The following RCAN3 variants were observed in gnomAD, a reference collection of about 807,000 sequenced individuals.
RCAN3 encodes the protein regulator of calcineurin 3.
Under a neutral mutation model 21.9 loss-of-function variants are expected in RCAN3, and 19 were observed. That is an observed-to-expected ratio of 0.87 (90% CI 0.61 to 1.27). RCAN3 has a LOEUF of 1.27. RCAN3 is among the 50% of genes most tolerant of loss of function. RCAN3 has a pLI of 0.00. For missense variants in RCAN3, 240 were observed against 300.1 expected, an observed-to-expected ratio of 0.80 and a Z score of 1.48; for synonymous variants, 114 against 112.3, an observed-to-expected ratio of 1.01 and a Z score of -0.09.
chr1:24,527,017 T>C (rs999695015), intron 2 of RCAN3, among the ~76,000 whole-genome samples: 3 of 152,220 alleles, frequency 2.0e-5, no homozygotes, highest in Non-Finnish European at 2.9e-5. Context: ...TATATCTATA[T>C]AATATTTTGT....
intron 2 of RCAN3, among the ~76,000 whole-genome samples, chr1:24,530,352 T>G (rs1175399592): frequency 1.7e-5 from 1 of 60,000 alleles, no homozygotes; most frequent in Non-Finnish European, 2.8e-5. Context: ...GAGACTCTTA[T>G]CTCCAAAAAA....
chr1:24,519,709 T>C (rs76755065), intron 2 of RCAN3, among the ~76,000 whole-genome samples: 4,167 of 152,304 alleles, frequency 0.027, 85 homozygotes, highest in African/African-American at 0.051. Flanking sequence ...GAGCATCTCA[T>C]TGAGTTCCCA....
At chr1:24,513,502 C>A (rs1420575487) in intron 1 of RCAN3, among the ~76,000 whole-genome samples, 1 of 151,782 alleles carries the variant, frequency 6.6e-6, no homozygotes, top group Admixed American at 6.6e-5. Flanking sequence ...CCCATCTCTA[C>A]CAAAAAAATA....
intron 1 of RCAN3, among the ~76,000 whole-genome samples, chr1:24,513,123 G>C (rs562782910): frequency 6.6e-6 from 1 of 152,248 alleles, no homozygotes; most frequent in South Asian, 2.1e-4. Flanking sequence ...TGTAGTCCCA[G>C]CTACCTGGGA....
At chr1:24,530,356 CAAAAAAAAA>C (rs56914359) in intron 2 of RCAN3, among the ~76,000 whole-genome samples, 1 of 81,516 alleles carries the variant, frequency 1.2e-5, no homozygotes, top group Admixed American at 1.4e-4. Context: ...CTCTTATCTC[CAAAAAAAAA>C]AAAAAAAAAA....
Position 24,536,939 on chromosome 1 carries a change from A to C in RCAN3, c.*1662A>C, listed in dbSNP as rs1431632425. The C allele has an allele frequency of 6.6e-6, 1 of 152,122 alleles. No homozygotes were observed. Among genetic ancestry groups the C allele is most frequent in the Non-Finnish European group, 1.5e-5 (1 of 68,016 alleles). The allele number at this position is 152,122 out of a possible 1,614,324, so 9.4% of individuals were successfully genotyped here. On this transcript the variant is annotated 3_prime_UTR_variant, in exon 5 of 5. Coordinates refer to ENST00000374395, the MANE Select transcript of RCAN3 (RefSeq NM_013441.4). ...GTTGAAATTTGCAATTCTATCAGCAATTTAATGTATTGAATTCAGATCATC... is the reference window on the plus strand; with the variant it reads ...GTTGAAATTTGCAATTCTATCAGCACTTTAATGTATTGAATTCAGATCATC...
chr1:24,508,052 C>T (rs1005073033), intron 1 of RCAN3, among the ~76,000 whole-genome samples: 7 of 152,036 alleles, frequency 4.6e-5, no homozygotes, highest in Non-Finnish European at 7.4e-5. Flanking sequence ...GAGCCGAGAT[C>T]GCGCCACTGC....
At chr1:24,521,005 G>C (rs972506131) in intron 2 of RCAN3, among the ~76,000 whole-genome samples, 3 of 152,008 alleles carry the variant, frequency 2.0e-5, no homozygotes, top group Non-Finnish European at 2.9e-5. Flanking sequence ...TGCCAAAACA[G>C]TCTTGAAAAC....
chr1:24,530,878 C>T (rs1298578033), intron 2 of RCAN3, among the ~76,000 whole-genome samples: 2 of 151,970 alleles, frequency 1.3e-5, no homozygotes, highest in African/African-American at 2.4e-5. Context: ...GGCATGGTGG[C>T]CGGCCCCTAT....
intron 2 of RCAN3, among the ~76,000 whole-genome samples, chr1:24,521,903 T>TGG (rs77051973): frequency 1.2e-4 from 14 of 112,108 alleles, no homozygotes; most frequent in African/African-American, 3.7e-4. Flanking sequence ...TATTGGTTGC[T>TGG]GGGGGGGGTG....
chr1:24,522,930 A>G (rs905834852), intron 2 of RCAN3, among the ~76,000 whole-genome samples: 2 of 152,230 alleles, frequency 1.3e-5, no homozygotes, highest in African/African-American at 4.8e-5. Context: ...TCCTGAACTC[A>G]GGTTTCTCAT....
intron 2 of RCAN3, 86 bp downstream of exon 2, chr1:24,514,653 C>T: frequency 7.7e-7 from 1 of 1,307,086 alleles, no homozygotes; most frequent in Non-Finnish European, 1.1e-6. Flanking sequence ...TGGTCCCTGA[C>T]AAATTAAGTA....
intron 1 of RCAN3, among the ~76,000 whole-genome samples, chr1:24,508,761 A>G (rs1362740833): frequency 1.3e-5 from 2 of 152,246 alleles, no homozygotes; most frequent in Admixed American, 6.5e-5. Context: ...TTCCCAGTGC[A>G]TATAAAAGTC....
intron 2 of RCAN3, among the ~76,000 whole-genome samples, chr1:24,517,638 G>A (rs1648450019): frequency 1.3e-5 from 2 of 152,106 alleles, no homozygotes; most frequent in South Asian, 2.1e-4. Context: ...TATCTGAAAT[G>A]ACAAAATATA....
At chr1:24,517,527 A>G (rs754910938) in intron 2 of RCAN3, among the ~76,000 whole-genome samples, 1 of 152,216 alleles carries the variant, frequency 6.6e-6, no homozygotes. Context: ...TGGGGATTAT[A>G]TCTAACGTAA....
rs9424327 is a variant in RCAN3, at chr1:24,525,024, T to G, written c.196-6194T>G. Reference sequence around the variant, plus strand: ...TTTTTTTTTCAGTCCAAAGCAAAGGTGTGTGGCAAAATCATGTTCCCAGTT... The same window carrying G: ...TTTTTTTTTCAGTCCAAAGCAAAGGGGTGTGGCAAAATCATGTTCCCAGTT... On this transcript the variant is annotated intron_variant, in intron 2 of 4. Transcript: ENST00000374395. The surrounding 1 kb of genome is among the most constrained non-coding windows in gnomAD (Gnocchi z 4.1). 0.22 allele frequency among the ~76,000 whole-genome samples: 32,660 copies of G among 151,372 alleles called. 4,693 individuals carry two copies. Among genetic ancestry groups the G allele is most frequent in the African/African-American group, 0.41 (17,050 of 41,154 alleles).
At chr1:24,516,533 T>C (rs1436750456) in intron 2 of RCAN3, among the ~76,000 whole-genome samples, 1 of 152,162 alleles carries the variant, frequency 6.6e-6, no homozygotes, top group Admixed American at 6.5e-5. Flanking sequence ...AGCCATTCTG[T>C]GTGCTTAGCA....
chr1:24,513,492 C>T (rs534437537), intron 1 of RCAN3, among the ~76,000 whole-genome samples: 28 of 152,022 alleles, frequency 1.8e-4, no homozygotes, highest in African/African-American at 6.7e-4. Flanking sequence ...ATGGTGAAAT[C>T]CCATCTCTAC....
intron 1 of RCAN3, among the ~76,000 whole-genome samples, chr1:24,505,918 A>T (rs943504036): frequency 1.3e-5 from 2 of 152,212 alleles, no homozygotes; most frequent in African/African-American, 2.4e-5. Flanking sequence ...GATCCATGCC[A>T]TGTGCTTGAC....
Sources: allele counts gnomAD v4.1 joint callset (sites outside exome capture counted in the v4.1 genomes callset), GRCh38; gene constraint gnomAD v4.1.1; non-coding constraint Gnocchi (gnomAD v3.1); transcripts MANE v1.5; gene names NCBI Gene and HGNC (gene_info 2026-07-23, HGNC 2026-07-21).